CCDC7: variants seen among roughly 807,000 people sequenced by gnomAD.
CCDC7 encodes coiled-coil domain containing 7, also known as coiled-coil domain-containing protein 7.
In CCDC7, 183 loss-of-function variants were observed where a neutral mutation model predicts 196.9. The observed-to-expected ratio is 0.93, with a 90% CI of 0.82 to 1.05. CCDC7 has a LOEUF of 1.05. Ranked by LOEUF, CCDC7 falls within the 50% of genes least tolerant of loss-of-function variation. The pLI is 0.00. For missense variants in CCDC7, 1,540 were observed against 1,482.2 expected (o/e 1.04, Z -0.64); for synonymous variants, 525 against 484.6 (o/e 1.08, Z -1.10).
chr10:32,670,817 T>G (rs1258219732), intron 21 of CCDC7, among the ~76,000 whole-genome samples: 1 of 152,058 alleles, frequency 6.6e-6, no homozygotes. Flanking sequence ...TGTTTATTTC[T>G]TCCATGAGCT....
At chr10:32,519,620 A>G (rs748448996) in intron 11 of CCDC7, among the ~76,000 whole-genome samples, 2 of 152,114 alleles carry the variant, frequency 1.3e-5, no homozygotes, top group Non-Finnish European at 2.9e-5. Flanking sequence ...AGGTGTATAT[A>G]TTTATGGGGT....
In CCDC7 at chr10:32,503,774, G is replaced by T. The variant is rs558390855; in HGVS notation, c.872+11777G>T. The stretch of plus-strand genomic sequence containing the variant: ...AGTCTTGGGCATTTCTTTGATAGGA[G>T]ATTTTTTTATTATTGATTGACACTT... On this transcript the variant is annotated intron_variant, in intron 9 of 41. Transcript: ENST00000639629. 4.6e-5 allele frequency among the ~76,000 whole-genome samples: 7 copies of T among 152,192 alleles called. No individual in the cohort carries two copies. The South Asian group carries it at 1.5e-3, about 32-fold the overall frequency.
intron 20 of CCDC7, among the ~76,000 whole-genome samples, chr10:32,662,867 G>A (rs1270523338): frequency 6.6e-6 from 1 of 152,160 alleles, no homozygotes; most frequent in Non-Finnish European, 1.5e-5. Context: ...TTTGTCTTCT[G>A]TTGTTCTTAC....
chr10:32,758,697 T>G (rs2076906202), intron 28 of CCDC7, among the ~76,000 whole-genome samples: 1 of 152,188 alleles, frequency 6.6e-6, no homozygotes, highest in Admixed American at 6.5e-5. Flanking sequence ...AAGACAGGGA[T>G]GCCCTCTTTC....
In CCDC7 at chr10:32,738,516, C is replaced by T. The variant is rs1487377332; in HGVS notation, c.2905+9059C>T. 4.0e-5 allele frequency among the ~76,000 whole-genome samples: 5 copies of T among 125,342 alleles called. No individual in the cohort carries two copies. In the East Asian group the frequency reaches 1.2e-3, roughly 29 times the overall value. The allele number at this position is 125,342 out of a possible 152,430, so 82.2% of individuals were successfully genotyped here. A position where few individuals can be genotyped will look rare whatever the true frequency, so the allele number is the denominator to read the frequency against. ...TTTTGACAGGGCCTTGCTTTGTTGC[C>T]TAGTCTAGAGTGTCATGGTGTGATC... On this transcript the variant is annotated intron_variant, in intron 28 of 41. Transcript: ENST00000639629.
At chr10:32,743,449 C>CAA (rs2074132822) in intron 28 of CCDC7, among the ~76,000 whole-genome samples, 1 of 152,052 alleles carries the variant, frequency 6.6e-6, no homozygotes, top group Non-Finnish European at 1.5e-5. Flanking sequence ...CTGCCATTGC[C>CAA]TTTGGTGTTT....
rs554553573 is a variant in CCDC7 at position 32,638,767 on chromosome 10, C to G, written c.2014+3609C>G. Among the ~76,000 whole-genome samples, 32 of 152,294 alleles carry G rather than the reference C, an allele frequency of 2.1e-4. 1 individual carries two copies. The South Asian group carries it at 6.6e-3, about 32-fold the overall frequency. ...CATAAAATGAGTTAGGGTGGATTCCCTCTTTTTCTATTGATTGGAATAGTT... is the reference window on the plus strand; with the variant it reads ...CATAAAATGAGTTAGGGTGGATTCCGTCTTTTTCTATTGATTGGAATAGTT... On this transcript the variant is annotated intron_variant, in intron 20 of 41. Coordinates refer to ENST00000639629, the Ensembl canonical transcript of CCDC7.
upstream of CCDC7, among the ~76,000 whole-genome samples, chr10:32,446,823 A>G (rs145169539): frequency 7.2e-5 from 11 of 151,920 alleles, no homozygotes; most frequent in Non-Finnish European, 1.3e-4. Context: ...CTATTTTTGT[A>G]TTTATGTGAA....
At chr10:32,596,620 C>T (rs1415816885) in intron 18 of CCDC7, among the ~76,000 whole-genome samples, 2 of 152,170 alleles carry the variant, frequency 1.3e-5, no homozygotes, top group Non-Finnish European at 2.9e-5. Flanking sequence ...CAGCTTCTTC[C>T]TAGCCTCGAC....
chr10:32,783,947 TAGAC>T (rs1180754135), intron 29 of CCDC7, among the ~76,000 whole-genome samples: 1 of 152,142 alleles, frequency 6.6e-6, no homozygotes, highest in African/African-American at 2.4e-5. Flanking sequence ...CTACAATAAG[TAGAC>T]AGAAAGTAGA....
rs549899405 is a variant in CCDC7 at position 32,666,393 on chromosome 10, A to G, written c.2122+2232A>G. Among the ~76,000 whole-genome samples the G allele has an allele frequency of 1.4e-3, 218 of 151,944 alleles. 1 individual carries two copies. The highest frequency in any genetic ancestry group is 4.6e-3 in the South Asian group (22 of 4,816). On this transcript the variant is annotated intron_variant, in intron 21 of 41. Coordinates refer to ENST00000639629, the Ensembl canonical transcript of CCDC7. ...ACTTAGTATTTCTTTTGTTTTTTTT[A>G]TACTTTACGTTCTAGGGTACATGTA...
chr10:32,877,688 T>G (rs2094637378), downstream of CCDC7, among the ~76,000 whole-genome samples: 1 of 152,148 alleles, frequency 6.6e-6, no homozygotes, highest in East Asian at 1.9e-4. Flanking sequence ...ACTGAAGCTC[T>G]GCCTTTATAG....
chr10:32,550,706 A>T (rs1413235605), intron 13 of CCDC7, among the ~76,000 whole-genome samples: 1 of 151,958 alleles, frequency 6.6e-6, no homozygotes, highest in African/African-American at 2.4e-5. Flanking sequence ...ACATTTATTG[A>T]CTTGGGTATA....
chr10:32,683,293 A>G (rs984837897), intron 21 of CCDC7, among the ~76,000 whole-genome samples: 7 of 152,184 alleles, frequency 4.6e-5, no homozygotes, highest in Non-Finnish European at 8.8e-5. Context: ...GTCGAAGATC[A>G]GATGGTTGTA....
chr10:32,688,911 A>T (rs1448111754), intron 22 of CCDC7, 142 bp from the exon 24 acceptor site: 2 of 604,862 alleles, frequency 3.3e-6, no homozygotes, highest in Non-Finnish European at 5.9e-6. Context: ...CCATTTTCAT[A>T]GTAGATATAG....
chr10:32,772,563 G>A (rs2079334927), intron 28 of CCDC7, among the ~76,000 whole-genome samples: 1 of 152,222 alleles, frequency 6.6e-6, no homozygotes, highest in Non-Finnish European at 1.5e-5. Context: ...GAGAGTTTGT[G>A]TTATATTGTG....
At chr10:32,503,074 G>A (rs1589266099) in intron 9 of CCDC7, among the ~76,000 whole-genome samples, 1 of 152,052 alleles carries the variant, frequency 6.6e-6, no homozygotes, top group African/African-American at 2.4e-5. Context: ...TTCTATATAG[G>A]AAAGTATATC....
At chr10:32,669,067 C>G (rs561565473) in intron 21 of CCDC7, among the ~76,000 whole-genome samples, 3 of 152,182 alleles carry the variant, frequency 2.0e-5, no homozygotes, top group Admixed American at 2.0e-4. Flanking sequence ...TGGTGAGGTA[C>G]AATCCTCCTA....
At chr10:32,653,621 C>G (rs1007646133) in intron 20 of CCDC7, among the ~76,000 whole-genome samples, 4 of 152,142 alleles carry the variant, frequency 2.6e-5, no homozygotes, top group Non-Finnish European at 5.9e-5. Context: ...CCATCTTGCT[C>G]TGGTGATTCT....
Sources: gnomAD v4.1 joint callset for allele counts (sites outside exome capture counted in the v4.1 genomes callset) on GRCh38, gnomAD v4.1.1 for gene constraint, MANE v1.5 for transcripts, NCBI Gene and HGNC (gene_info 2026-07-23, HGNC 2026-07-21) for gene names.